The following TMEFF2 variants were observed in gnomAD, a reference collection of about 807,000 sequenced individuals.
TMEFF2 encodes tomoregulin-2.
A neutral mutation model predicts 53.8 loss-of-function variants in TMEFF2; 28 were observed. The ratio of observed to expected loss-of-function variants is 0.52; its 90% CI spans 0.39 to 0.71. TMEFF2 has a LOEUF of 0.71. Ranked by LOEUF, TMEFF2 falls within the 30% of genes least tolerant of loss-of-function variation. The pLI, the probability that TMEFF2 is intolerant of heterozygous loss-of-function variation, is 0.00. For synonymous variants in TMEFF2, 162 were observed against 166.3 expected, an observed-to-expected ratio of 0.97 and a Z score of 0.20; for missense variants, 353 against 455.2, an observed-to-expected ratio of 0.78 and a Z score of 2.04.
At chr2:192,066,691 G>A (rs2105912024) in intron 4 of TMEFF2, among the ~76,000 whole-genome samples, 1 of 151,796 alleles carries the variant, frequency 6.6e-6, no homozygotes, top group South Asian at 2.1e-4. Context: ...AAGATACTAA[G>A]TTCATTTTAA....
At chr2:192,103,986 T>C (rs1044381820) in intron 4 of TMEFF2, among the ~76,000 whole-genome samples, 18 of 151,942 alleles carry the variant, frequency 1.2e-4, no homozygotes, top group Non-Finnish European at 2.5e-4. Flanking sequence ...ACCGGGAGTT[T>C]TGAGAGGACT....
At chr2:192,122,817 T>C (rs1689587983) in intron 4 of TMEFF2, among the ~76,000 whole-genome samples, 1 of 152,124 alleles carries the variant, frequency 6.6e-6, no homozygotes, top group Non-Finnish European at 1.5e-5. Flanking sequence ...TCCTACATTA[T>C]TCAATGTGAT....
intron 4 of TMEFF2, among the ~76,000 whole-genome samples, chr2:192,136,004 C>T (rs909283338): frequency 6.6e-6 from 1 of 151,964 alleles, no homozygotes; most frequent in Non-Finnish European, 1.5e-5. Flanking sequence ...TATCTCCCTT[C>T]GCTGACTCTC....
At chr2:192,019,330 TTAGA>T (rs991338486) in intron 5 of TMEFF2, among the ~76,000 whole-genome samples, 5 of 151,984 alleles carry the variant, frequency 3.3e-5, no homozygotes, top group African/African-American at 1.2e-4. Context: ...ATATTTTTAG[TTAGA>T]TAAGTTATAC....
chr2:192,021,488 C>G (rs191038088), intron 5 of TMEFF2, among the ~76,000 whole-genome samples: 19 of 152,204 alleles, frequency 1.2e-4, no homozygotes, highest in African/African-American at 4.3e-4. Context: ...CTCCTAGGTA[C>G]TGATTTTGTG....
At chr2:192,064,783 C>A (rs184687734) in intron 4 of TMEFF2, among the ~76,000 whole-genome samples, 163 of 151,910 alleles carry the variant, frequency 1.1e-3, no homozygotes, top group South Asian at 7.1e-3. Context: ...TTCTTTCTTG[C>A]TTTTTCCTTC....
chr2:192,023,526 T>G (rs1686902932), intron 5 of TMEFF2, among the ~76,000 whole-genome samples: 1 of 152,166 alleles, frequency 6.6e-6, no homozygotes. Flanking sequence ...AGTTTTTGAT[T>G]GGTTTGTCCT....
chr2:192,114,162 A>G (rs950342646), intron 4 of TMEFF2, among the ~76,000 whole-genome samples: 1 of 151,694 alleles, frequency 6.6e-6, no homozygotes, highest in Non-Finnish European at 1.5e-5. Flanking sequence ...AAAACCCAAA[A>G]GAAAATATAA....
At chr2:192,177,299 C>G (rs187013849) in intron 4 of TMEFF2, 1 of 151,086 alleles carries the variant, frequency 6.6e-6, no homozygotes, top group Non-Finnish European at 1.5e-5. Context: ...ATATATCTTA[C>G]GATTACAACC....
intron 7 of TMEFF2, among the ~76,000 whole-genome samples, chr2:191,972,116 C>T (rs919799277): frequency 1.3e-5 from 2 of 150,350 alleles, no homozygotes; most frequent in African/African-American, 4.9e-5. Context: ...TACTATACAC[C>T]AAGCTAAGAA....
intron 5 of TMEFF2, among the ~76,000 whole-genome samples, chr2:192,052,272 C>T (rs937085362): frequency 6.6e-6 from 1 of 152,202 alleles, no homozygotes; most frequent in Non-Finnish European, 1.5e-5. Context: ...ATTAGGCATG[C>T]AGCCAATTTC....
intron 8 of TMEFF2, among the ~76,000 whole-genome samples, chr2:191,955,196 A>G (rs1456773157): frequency 1.4e-5 from 2 of 146,422 alleles, no homozygotes; most frequent in African/African-American, 5.1e-5. Context: ...AGAGAGAGAA[A>G]TCTTCTGTTG....
chr2:191,989,084 A>C (rs1686045591), intron 7 of TMEFF2, among the ~76,000 whole-genome samples: 1 of 152,320 alleles, frequency 6.6e-6, no homozygotes, highest in South Asian at 2.1e-4. Context: ...TTGTGAAAAA[A>C]CATTTGCAGG....
At chr2:191,966,654 A>C (rs1337284720) in intron 7 of TMEFF2, among the ~76,000 whole-genome samples, 1 of 152,234 alleles carries the variant, frequency 6.6e-6, no homozygotes, top group Non-Finnish European at 1.5e-5. Flanking sequence ...AAAACAAAAA[A>C]CAGGCAAATG....
At chr2:191,950,559 A>T (rs1158526901) in intron 9 of TMEFF2, 152 bp from the exon 10 acceptor site, 7 of 1,199,588 alleles carry the variant, frequency 5.8e-6, no homozygotes, top group Middle Eastern at 1.9e-4. Context: ...TTATTTTGGA[A>T]AAGTTATTAT....
chr2:191,974,059 C>A (rs763015830), intron 7 of TMEFF2, among the ~76,000 whole-genome samples: 4 of 152,084 alleles, frequency 2.6e-5, no homozygotes, highest in Non-Finnish European at 5.9e-5. Context: ...CCAGAAAGTA[C>A]GGAGAATTAT....
chr2:192,111,707 G>C (rs1689279631), intron 4 of TMEFF2, among the ~76,000 whole-genome samples: 2 of 152,188 alleles, frequency 1.3e-5, no homozygotes, highest in Admixed American at 6.6e-5. Flanking sequence ...GGATTTCACA[G>C]AACTTTGTGG....
At chr2:192,169,959 C>G (rs1476963994) in intron 4 of TMEFF2, among the ~76,000 whole-genome samples, 1 of 129,008 alleles carries the variant, frequency 7.8e-6, no homozygotes, top group Non-Finnish European at 1.6e-5. Flanking sequence ...TAATATCACC[C>G]CACTATTTAA....
intron 7 of TMEFF2, among the ~76,000 whole-genome samples, chr2:191,994,290 A>G (rs1373591686): frequency 6.6e-6 from 1 of 151,972 alleles, no homozygotes; most frequent in Non-Finnish European, 1.5e-5. Context: ...AAAACACTCC[A>G]AACTCTGAAA....
Sources: gnomAD v4.1 joint callset for allele counts (sites outside exome capture counted in the v4.1 genomes callset) on GRCh38, gnomAD v4.1.1 for gene constraint, MANE v1.5 for transcripts, NCBI Gene and HGNC (gene_info 2026-07-23, HGNC 2026-07-21) for gene names.